Variants in XRN2 observed in about 807,000 individuals in gnomAD.
The protein encoded by XRN2 is 5'-3' exoribonuclease 2.
A neutral mutation model predicts 138.5 loss-of-function variants in XRN2; 44 were observed. The observed-to-expected ratio is 0.32, with a 90% CI of 0.25 to 0.41. The LOEUF (loss-of-function observed/expected upper bound fraction) is 0.41, where lower values mean the gene tolerates loss of function less well. Ranked by LOEUF, XRN2 falls within the 10% of genes least tolerant of loss-of-function variation. The pLI is 1.00. For synonymous variants in XRN2, 354 were observed against 369.4 expected (o/e 0.96, Z 0.48); for missense variants, 937 against 1,169.3 (o/e 0.80, Z 2.90).
At chr20:21,376,005 A>AT (rs1455602930) in intron 27 of XRN2, among the ~76,000 whole-genome samples, 1 of 151,938 alleles carries the variant, frequency 6.6e-6, no homozygotes, top group African/African-American at 2.4e-5. Context: ...CACTCGGCTA[A>AT]TTTTTTGTGT....
chr20:21,383,718 T>C (rs1331230464), intron 28 of XRN2, among the ~76,000 whole-genome samples: 1 of 152,198 alleles, frequency 6.6e-6, no homozygotes, highest in Non-Finnish European at 1.5e-5. Context: ...TCATCATCAT[T>C]GTCCCTTCCC....
chr20:21,341,333 T>C (rs954601482), intron 15 of XRN2, among the ~76,000 whole-genome samples: 2 of 152,222 alleles, frequency 1.3e-5, no homozygotes, highest in African/African-American at 4.8e-5. Context: ...TTTTGCAAAA[T>C]AGTATTCCTT....
At chr20:21,317,696 A>C (rs992212144) in intron 1 of XRN2, among the ~76,000 whole-genome samples, 2 of 152,158 alleles carry the variant, frequency 1.3e-5, no homozygotes, top group Non-Finnish European at 1.5e-5. Context: ...TGCTGTGTGA[A>C]TAGTTGTTAT....
chr20:21,353,186 TTATA>T (rs530247898), intron 20 of XRN2, among the ~76,000 whole-genome samples: 3 of 144,716 alleles, frequency 2.1e-5, no homozygotes, highest in Admixed American at 1.4e-4. Flanking sequence ...TATATATATT[TTATA>T]TATATATAAA....
At chr20:21,357,625 T>G in intron 23 of XRN2, 111 bp from the exon 24 acceptor site, 1 of 799,060 alleles carries the variant, frequency 1.3e-6, no homozygotes, top group Non-Finnish European at 1.9e-6. Context: ...TGTTAGTGCA[T>G]TCTAATGATT....
chr20:21,309,875 A>C (rs1241093354), intron 1 of XRN2, among the ~76,000 whole-genome samples: 1 of 152,000 alleles, frequency 6.6e-6, no homozygotes, highest in African/African-American at 2.4e-5. Context: ...TCCCATTATC[A>C]GTCTGGCTAC....
intron 29 of XRN2, among the ~76,000 whole-genome samples, chr20:21,389,041 T>G (rs1263443090): frequency 6.6e-6 from 1 of 152,230 alleles, no homozygotes; most frequent in African/African-American, 2.4e-5. Flanking sequence ...TTGTGATTGT[T>G]AAGGTTTTTT....
chr20:21,364,493 C>CT (rs2038672012), intron 24 of XRN2, among the ~76,000 whole-genome samples: 2 of 152,260 alleles, frequency 1.3e-5, no homozygotes, highest in African/African-American at 4.8e-5. Context: ...TACTCAAAGC[C>CT]TGAGTGTATA....
intron 1 of XRN2, among the ~76,000 whole-genome samples, chr20:21,308,355 TG>T (rs2037831992): frequency 6.6e-6 from 1 of 152,142 alleles, no homozygotes; most frequent in Non-Finnish European, 1.5e-5. Context: ...TGCATTTGTT[TG>T]GGGGAAAAAC....
chr20:21,354,999 A>C lies in XRN2; in HGVS notation c.2020+127A>C, dbSNP rs563692862. 1,366 of 661,356 alleles carry C rather than the reference A, an allele frequency of 2.1e-3. 1 individual carries two copies. The highest frequency in any genetic ancestry group is 5.4e-3 in the Middle Eastern group (12 of 2,206). The allele number at this position is 661,356 out of a possible 1,614,324, so 41.0% of individuals were successfully genotyped here. On this transcript the variant is annotated intron_variant, in intron 21 of 29. Coordinates refer to ENST00000377191, the MANE Select transcript of XRN2 (RefSeq NM_012255.5). ...AAAGGGGATATAAATCATTGATTTTATTTTCTTATTACAGACGTTGACTTT... is the reference window on the plus strand; with the variant it reads ...AAAGGGGATATAAATCATTGATTTTCTTTTCTTATTACAGACGTTGACTTT...
intron 24 of XRN2, among the ~76,000 whole-genome samples, chr20:21,364,625 G>A (rs930586937): frequency 6.6e-6 from 1 of 152,050 alleles, no homozygotes; most frequent in Non-Finnish European, 1.5e-5. Flanking sequence ...TGGGCCATGT[G>A]GGGAAACCCC....
At chr20:21,346,944 T>C (rs1351722630) in intron 17 of XRN2, among the ~76,000 whole-genome samples, 2 of 152,220 alleles carry the variant, frequency 1.3e-5, no homozygotes, top group Non-Finnish European at 2.9e-5. Flanking sequence ...ATAGTATTAT[T>C]GAGCTGGATC....
At chr20:21,341,611 T>G (rs2038372947) in intron 15 of XRN2, among the ~76,000 whole-genome samples, 2 of 152,214 alleles carry the variant, frequency 1.3e-5, no homozygotes, top group Admixed American at 6.5e-5. Flanking sequence ...GCAACAGGGC[T>G]GAGGGAACAG....
At chr20:21,371,962 A>G (rs1003307902) in intron 27 of XRN2, among the ~76,000 whole-genome samples, 13 of 152,276 alleles carry the variant, frequency 8.5e-5, no homozygotes, top group Non-Finnish European at 1.8e-4. Flanking sequence ...ACTTTGGTTA[A>G]ATAACTCCTT....
chr20:21,320,295 G>GTATT (rs1464861300), intron 1 of XRN2, among the ~76,000 whole-genome samples: 2,260 of 148,198 alleles, frequency 0.015, 44 homozygotes, highest in Middle Eastern at 0.021. Context: ...ATTTATTTAT[G>GTATT]TATTTATTTA....
rs367955344 is a variant in XRN2, at chr20:21,305,747, C to CTT, written c.75+2289_75+2290dup. 3.1e-4 allele frequency among the ~76,000 whole-genome samples: 12 copies of CTT among 39,142 alleles called. 4 individuals carry two copies. Among genetic ancestry groups the CTT allele is most frequent in the Non-Finnish European group, 1.2e-4 (2 of 16,006 alleles). The allele number at this position is 39,142 out of a possible 152,430, so 25.7% of individuals were successfully genotyped here. On this transcript the variant is annotated intron_variant, in intron 1 of 29. Coordinates refer to ENST00000377191, the MANE Select transcript of XRN2 (RefSeq NM_012255.5). ...GTTTTCTTAGTTTTTATTCTTAATT[C>CTT]TTTTTTTTTTTTTTTTGAGACGGAG...
chr20:21,350,617 T>TAAA (rs2038497877), intron 20 of XRN2, among the ~76,000 whole-genome samples: 1 of 151,420 alleles, frequency 6.6e-6, no homozygotes, highest in African/African-American at 2.4e-5. Context: ...CAGCAAATTA[T>TAAA]TTAACCTTTT....
In XRN2 at chr20:21,356,165, A is replaced by G. The variant is rs775070962; in HGVS notation, c.2106A>G (p.Thr702=). Residue 702 remains threonine, a synonymous_variant, in exon 22 of 30, where the codon ACA becomes ACG. Transcript: ENST00000377191. ...LHDFILELYQ[T]GSTEPVEVPP... ...ACTTCATTTTAGAGCTGTACCAGAC[A>G]GGTTCCACAGAGGTATGTTACGCAA... The G allele has an allele frequency of 1.9e-6, 3 of 1,606,568 alleles. No individual in the cohort carries two copies. The highest frequency in any genetic ancestry group is 2.2e-5 in the South Asian group (2 of 89,444).
In XRN2 at chr20:21,307,009, AAAT is replaced by A. The variant is rs1451252917; in HGVS notation, c.75+3540_75+3542del. On this transcript the variant is annotated intron_variant, in intron 1 of 29. Coordinates refer to ENST00000377191, the MANE Select transcript of XRN2 (RefSeq NM_012255.5). ...GACAGAGCGAGACTCCATCTCAGAAAAATAATGATTATTGTTATGTTTATTATT... is the reference window on the plus strand; with the variant it reads ...GACAGAGCGAGACTCCATCTCAGAAAAATGATTATTGTTATGTTTATTATT... 2.6e-5 allele frequency among the ~76,000 whole-genome samples: 2 copies of A among 76,764 alleles called. 1 individual carries two copies. Among genetic ancestry groups the A allele is most frequent in the Non-Finnish European group, 6.1e-5 (2 of 32,578 alleles). The allele number at this position is 76,764 out of a possible 152,430, so 50.4% of individuals were successfully genotyped here. A position where few individuals can be genotyped will look rare whatever the true frequency, so the allele number is the denominator to read the frequency against.
Sources: allele counts gnomAD v4.1 joint callset (sites outside exome capture counted in the v4.1 genomes callset), GRCh38; gene constraint gnomAD v4.1.1; transcripts MANE v1.5; gene names NCBI Gene and HGNC (gene_info 2026-07-23, HGNC 2026-07-21).